Variants in SORCS3 observed in about 807,000 individuals in gnomAD.
SORCS3 encodes VPS10 domain-containing receptor SorCS3.
In SORCS3, 57 loss-of-function variants were observed where a neutral mutation model predicts 146.3. The observed-to-expected ratio is 0.39, with a 90% CI of 0.31 to 0.49. The LOEUF is 0.49. SORCS3 is among the 20% of genes least tolerant of loss of function. The pLI is 0.92. For synonymous variants in SORCS3, 653 were observed against 618.5 expected, an observed-to-expected ratio of 1.06 and a Z score of -0.83; for missense variants, 1,341 against 1,575.5, an observed-to-expected ratio of 0.85 and a Z score of 2.52.
At chr10:105,127,362 A>G (rs1282985935) in intron 7 of SORCS3, among the ~76,000 whole-genome samples, 1 of 152,156 alleles carries the variant, frequency 6.6e-6, no homozygotes, top group Non-Finnish European at 1.5e-5. Context: ...GACTCTGGAA[A>G]CACAGATTTT....
intron 17 of SORCS3, among the ~76,000 whole-genome samples, chr10:105,213,533 G>A (rs922511200): frequency 1.3e-5 from 2 of 152,058 alleles, no homozygotes; most frequent in Non-Finnish European, 2.9e-5. Context: ...TCTTTCATGT[G>A]GTTTTTTACC....
intron 25 of SORCS3, among the ~76,000 whole-genome samples, chr10:105,259,923 A>G (rs1165208295): frequency 6.6e-6 from 1 of 152,192 alleles, no homozygotes; most frequent in Non-Finnish European, 1.5e-5. Flanking sequence ...TGTTGGTCCA[A>G]GACATATCTC....
At chr10:104,843,433 C>T (rs144476026) in intron 2 of SORCS3, among the ~76,000 whole-genome samples, 6 of 152,348 alleles carry the variant, frequency 3.9e-5, no homozygotes, top group African/African-American at 1.4e-4. Context: ...GGTATAAAGA[C>T]AACTACATTA....
intron 3 of SORCS3, among the ~76,000 whole-genome samples, chr10:104,968,238 C>T (rs1224205566): frequency 6.6e-6 from 1 of 152,182 alleles, no homozygotes; most frequent in Non-Finnish European, 1.5e-5. Context: ...GTCTCAGCCT[C>T]CTGAATAGCT....
chr10:104,719,899 G>T (rs965922915), intron 1 of SORCS3, among the ~76,000 whole-genome samples: 11 of 152,120 alleles, frequency 7.2e-5, no homozygotes, highest in Non-Finnish European at 1.5e-4. Flanking sequence ...AAAGTTGTCT[G>T]ATGAAAGATT....
At chr10:105,069,213 C>T (rs2055542005) in intron 5 of SORCS3, among the ~76,000 whole-genome samples, 1 of 152,226 alleles carries the variant, frequency 6.6e-6, no homozygotes, top group Non-Finnish European at 1.5e-5. Context: ...TGTATGCCTT[C>T]AAGTCTTTTG....
At chr10:104,893,050 C>T (rs573458275) in intron 2 of SORCS3, among the ~76,000 whole-genome samples, 9 of 152,246 alleles carry the variant, frequency 5.9e-5, no homozygotes, top group African/African-American at 9.6e-5. Flanking sequence ...TACCCTCTCT[C>T]AGTCTCTGTC....
intron 3 of SORCS3, among the ~76,000 whole-genome samples, chr10:104,950,898 G>A (rs1221193563): frequency 6.6e-6 from 1 of 152,156 alleles, no homozygotes; most frequent in African/African-American, 2.4e-5. Context: ...TAACTAAGAG[G>A]CTGGCCTCTA....
At chr10:104,940,240 T>TATATA (rs1564717987) in intron 3 of SORCS3, among the ~76,000 whole-genome samples, 6 of 10,284 alleles carry the variant, frequency 5.8e-4, no homozygotes, top group South Asian at 4.9e-3. Context: ...ATATATATAT[T>TATATA]TTTTTTTTTT....
intron 6 of SORCS3, among the ~76,000 whole-genome samples, chr10:105,098,149 A>G (rs1050297604): frequency 1.3e-5 from 2 of 152,188 alleles, no homozygotes; most frequent in African/African-American, 4.8e-5. Context: ...TGATTAATTC[A>G]ATAACTTTGG....
intron 5 of SORCS3, among the ~76,000 whole-genome samples, chr10:105,078,372 C>T (rs1477985264): frequency 6.6e-6 from 1 of 151,962 alleles, no homozygotes; most frequent in Non-Finnish European, 1.5e-5. Context: ...AGAATGAAAT[C>T]AAGAAGGAGA....
In SORCS3 at chr10:104,833,352, T is replaced by C. The variant is rs138942547; in HGVS notation, c.628-9440T>C. Among the ~76,000 whole-genome samples, 352 of 152,290 alleles carry C rather than the reference T, an allele frequency of 2.3e-3. 2 individuals carry two copies. The highest frequency in any genetic ancestry group is 8.1e-3 in the African/African-American group (336 of 41,568). Reference sequence around the variant, plus strand: ...AGCATTGGTTTCTTATGTTGGTAGATTGGGAACTCAGCAGTGATTATTTCC... The same window carrying C: ...AGCATTGGTTTCTTATGTTGGTAGACTGGGAACTCAGCAGTGATTATTTCC... On this transcript the variant is annotated intron_variant, in intron 1 of 26. Coordinates refer to ENST00000369701, the MANE Select transcript of SORCS3 (RefSeq NM_014978.3).
At chr10:104,951,046 T>A (rs2019423925) in intron 3 of SORCS3, among the ~76,000 whole-genome samples, 1 of 152,230 alleles carries the variant, frequency 6.6e-6, no homozygotes, top group African/African-American at 2.4e-5. Context: ...TAGACATCTA[T>A]AGGAGGCACT....
intron 2 of SORCS3, among the ~76,000 whole-genome samples, chr10:104,910,726 GAAA>G (rs2018958196): frequency 6.6e-6 from 1 of 152,142 alleles, no homozygotes; most frequent in Non-Finnish European, 1.5e-5. Context: ...GAAATAATAA[GAAA>G]AAAAGAACAA....
intron 12 of SORCS3, among the ~76,000 whole-genome samples, chr10:105,166,863 A>G (rs2056318629): frequency 6.6e-6 from 1 of 152,192 alleles, no homozygotes; most frequent in African/African-American, 2.4e-5. Context: ...ACAAATTAGC[A>G]AACATCTGAA....
At chr10:104,727,462 C>T (rs1247309589) in intron 1 of SORCS3, among the ~76,000 whole-genome samples, 2 of 151,638 alleles carry the variant, frequency 1.3e-5, no homozygotes, top group Non-Finnish European at 2.9e-5. Flanking sequence ...TCATCATCTG[C>T]ATATTTCCAT....
At chr10:104,642,106 CG>C in intron 1 of SORCS3, 152 bp downstream of exon 1, 1 of 955,248 alleles carries the variant, frequency 1.0e-6, no homozygotes, top group Non-Finnish European at 1.5e-6. Context: ...ATTCCCCCCA[CG>C]CCCCCAACAG....
intron 15 of SORCS3, among the ~76,000 whole-genome samples, chr10:105,200,590 G>T (rs1289746593): frequency 6.6e-6 from 1 of 152,130 alleles, no homozygotes; most frequent in Non-Finnish European, 1.5e-5. Context: ...TGAGAAATAG[G>T]CAGACTTCTG....
At chr10:105,225,478 C>T (rs1218762236) in intron 20 of SORCS3, among the ~76,000 whole-genome samples, 1 of 151,906 alleles carries the variant, frequency 6.6e-6, no homozygotes, top group Non-Finnish European at 1.5e-5. Flanking sequence ...CTGTTTTGAT[C>T]ACTGTAGATT....
Sources: gnomAD v4.1 joint callset for allele counts (sites outside exome capture counted in the v4.1 genomes callset) on GRCh38, gnomAD v4.1.1 for gene constraint, MANE v1.5 for transcripts, NCBI Gene and HGNC (gene_info 2026-07-23, HGNC 2026-07-21) for gene names.